Variants in SPHKAP observed in about 807,000 individuals in gnomAD.
The protein encoded by SPHKAP is A-kinase anchor protein SPHKAP.
A neutral mutation model predicts 137.5 loss-of-function variants in SPHKAP; 67 were observed. The observed-to-expected ratio is 0.49, with a 90% CI of 0.40 to 0.60. The LOEUF (loss-of-function observed/expected upper bound fraction) is 0.60. Ranked by LOEUF, SPHKAP falls within the 20% of genes least tolerant of loss-of-function variation. SPHKAP has a pLI of 0.00. For missense variants in SPHKAP, 2,097 were observed against 2,069.3 expected (o/e 1.01, Z -0.26); for synonymous variants, 813 against 785.3 (o/e 1.04, Z -0.59).
At chr2:228,026,173 G>A (rs889666257) in intron 4 of SPHKAP, among the ~76,000 whole-genome samples, 8 of 152,130 alleles carry the variant, frequency 5.3e-5, no homozygotes, top group Non-Finnish European at 8.8e-5. Flanking sequence ...CAGCCAGGTG[G>A]AACTGTAAAT....
intron 1 of SPHKAP, among the ~76,000 whole-genome samples, chr2:228,169,018 C>G (rs1700503080): frequency 6.6e-6 from 1 of 152,160 alleles, no homozygotes; most frequent in Non-Finnish European, 1.5e-5. Context: ...TAATCCAGAG[C>G]AAGGCCCTCA....
At position 228,084,272 on chromosome 2, in the gene SPHKAP, A is replaced by G. The variant is rs146326427; in HGVS notation, c.246+24560T>C. ...TCATAATGGCCTCTTGACATTAATA[A>G]TTAGTATTAAAAAGTTATATTCCAA... On this transcript the variant is annotated intron_variant, in intron 3 of 11. Transcript: ENST00000392056. Among the ~76,000 whole-genome samples, 921 of 152,276 alleles carry G rather than the reference A, an allele frequency of 6.0e-3. 16 individuals carry two copies. Among genetic ancestry groups the G allele is most frequent in the African/African-American group, 0.021 (864 of 41,550 alleles).
At chr2:228,104,883 T>A (rs1159307394) in intron 3 of SPHKAP, among the ~76,000 whole-genome samples, 2 of 152,238 alleles carry the variant, frequency 1.3e-5, no homozygotes, top group Non-Finnish European at 2.9e-5. Flanking sequence ...AAAAGATGTT[T>A]TCTGAAAAGT....
chr2:228,072,920 G>A (rs1291748024), intron 3 of SPHKAP, among the ~76,000 whole-genome samples: 2 of 152,220 alleles, frequency 1.3e-5, no homozygotes, highest in African/African-American at 4.8e-5. Context: ...TCTTCCAGCT[G>A]AGTTTCAGAC....
intron 11 of SPHKAP, among the ~76,000 whole-genome samples, chr2:227,982,631 A>G (rs1574703969): frequency 1.3e-5 from 2 of 152,342 alleles, no homozygotes; most frequent in South Asian, 2.1e-4. Flanking sequence ...GAAAGATGTA[A>G]TGAAAGCCAG....
chr2:228,019,025 A>G lies in SPHKAP; in HGVS notation c.1829T>C (p.Leu610Pro), dbSNP rs1195895677. 8.1e-6 allele frequency: 13 copies of G among 1,613,908 alleles called. No individual in the cohort carries two copies. Among genetic ancestry groups the G allele is most frequent in the South Asian group, 3.3e-5 (3 of 91,080 alleles). Residue 610 changes from leucine to proline, a missense_variant, in exon 7 of 12, where the codon CTT (leucine) becomes CCT (proline). By Grantham distance (98) the Leu-to-Pro change is moderately conservative. Transcript: ENST00000392056. The stretch of plus-strand genomic sequence containing the variant: ...TCCCTTGGCAATGGCTTCCTTGCCA[A>G]GCTCCATGCTTGCTAAACCACAAAG... ...PPLCGLASME[L>P]GKEAIAKGLL...
intron 7 of SPHKAP, among the ~76,000 whole-genome samples, chr2:228,015,696 G>T (rs929188368): frequency 6.6e-6 from 1 of 152,162 alleles, no homozygotes; most frequent in Non-Finnish European, 1.5e-5. Flanking sequence ...CAATACTTCA[G>T]TGTTGCTTTG....
chr2:228,127,142 G>A (rs10933236), intron 2 of SPHKAP, among the ~76,000 whole-genome samples: 51,976 of 152,016 alleles, frequency 0.34, 9,166 homozygotes, highest in East Asian at 0.5. Context: ...AAGAGTGGTG[G>A]TTTATCAGGA....
Position 228,019,328 on chromosome 2 carries a change from G to A in SPHKAP, c.1526C>T (p.Thr509Ile), listed in dbSNP as rs763566165. The A allele has an allele frequency of 1.2e-6, 2 of 1,614,170 alleles. No homozygotes were observed. The highest frequency in any genetic ancestry group is 3.3e-5 in the Admixed American group (2 of 60,024). The change falls in exon 7 of 12, where the codon ACT (threonine) becomes ATT (isoleucine). Residue 509 changes from threonine to isoleucine, a missense_variant. Transcript: ENST00000392056. ...ALACAATVIG[T>I]ISSPQATERL... The stretch of plus-strand genomic sequence containing the variant: ...TTCTGTGGCCTGTGGACTGGAAATA[G>A]TTCCAATCACAGTGGCTGCACAAGC...
intron 3 of SPHKAP, among the ~76,000 whole-genome samples, chr2:228,091,695 A>G (rs931944577): frequency 6.6e-6 from 1 of 152,198 alleles, no homozygotes; most frequent in Admixed American, 6.5e-5. Flanking sequence ...GGATCAGGGA[A>G]ATGCAAATCA....
At chr2:227,982,102 A>G in intron 11 of SPHKAP, 4 of 974,714 alleles carry the variant, frequency 4.1e-6, no homozygotes, top group Non-Finnish European at 4.8e-6. Flanking sequence ...ACTGCAGAGG[A>G]TTAGGTGGAA....
At chr2:228,157,736 G>A (rs1382253286) in intron 1 of SPHKAP, among the ~76,000 whole-genome samples, 1 of 152,144 alleles carries the variant, frequency 6.6e-6, no homozygotes, top group Non-Finnish European at 1.5e-5. Flanking sequence ...TAGTACATAA[G>A]TCTGTTTTAC....
intron 3 of SPHKAP, among the ~76,000 whole-genome samples, chr2:228,097,129 T>A (rs1698011310): frequency 6.6e-6 from 1 of 152,224 alleles, no homozygotes; most frequent in Non-Finnish European, 1.5e-5. Flanking sequence ...AAAGGTATTT[T>A]AATGAGAAAC....
intron 7 of SPHKAP, among the ~76,000 whole-genome samples, chr2:228,000,285 G>A (rs999081654): frequency 6.6e-6 from 1 of 151,982 alleles, no homozygotes; most frequent in African/African-American, 2.4e-5. Context: ...TTCAAGACCA[G>A]CCTAGCCAAC....
At chr2:228,047,983 A>G (rs1478980578) in intron 3 of SPHKAP, among the ~76,000 whole-genome samples, 3 of 152,198 alleles carry the variant, frequency 2.0e-5, no homozygotes, top group Non-Finnish European at 2.9e-5. Context: ...TGGTAGGTGA[A>G]GAGTCCATTG....
In SPHKAP at chr2:228,017,232, C is replaced by T; in HGVS notation, c.3622G>A (p.Glu1208Lys). 1 of 1,614,068 alleles carries T rather than the reference C, an allele frequency of 6.2e-7. No individual in the cohort carries two copies. Among genetic ancestry groups the T allele is most frequent in the Admixed American group, 1.7e-5 (1 of 60,024 alleles). Residue 1208 changes from glutamate (E) to lysine (K), a missense_variant, in exon 7 of 12, where the codon GAA (glutamate) becomes AAA (lysine). Physicochemically the swap from Glu to Lys is moderately conservative, Grantham distance 56. Coordinates refer to ENST00000392056, the MANE Select transcript of SPHKAP (RefSeq NM_001142644.2). ...CTGCTCCGTCTGGAGGAGGCACTTT[C>T]TCTGCTGTCTCTTTCGATGTCCCTC... ...MLRDIERDSR[E>K]SASSRRSSQD...
At position 228,139,946 on chromosome 2, in the gene SPHKAP, T is replaced by TTTTTTC. The variant is rs1699550659; in HGVS notation, c.33-7867_33-7862dup. 9.3e-5 allele frequency among the ~76,000 whole-genome samples: 7 copies of TTTTTTC among 75,654 alleles called. No homozygotes were observed. The South Asian group carries it at 2.5e-3, about 27-fold the overall frequency. 49.6% of individuals were successfully genotyped at this position (75,654 alleles called of 152,430 possible). A position where few individuals can be genotyped will look rare whatever the true frequency, so the allele number is the denominator to read the frequency against. Reference sequence around the variant, plus strand: ...TCTTTCTTTCTTTCTTTTTCTTTTCTTTTTTCTTTTTCTTTTGAGATAGAG... The same window carrying TTTTTTC: ...TCTTTCTTTCTTTCTTTTTCTTTTCTTTTTTCTTTTTCTTTTTCTTTTGAGATAGAG... On this transcript the variant is annotated intron_variant, in intron 1 of 11. Coordinates refer to ENST00000392056, the MANE Select transcript of SPHKAP (RefSeq NM_001142644.2).
At chr2:228,061,704 T>G (rs1343039750) in intron 3 of SPHKAP, among the ~76,000 whole-genome samples, 1 of 151,928 alleles carries the variant, frequency 6.6e-6, no homozygotes, top group African/African-American at 2.4e-5. Flanking sequence ...GGCTGAGGTA[T>G]TTATACTCTG....
chr2:228,002,793 C>T (rs1693960484), intron 7 of SPHKAP, among the ~76,000 whole-genome samples: 1 of 152,180 alleles, frequency 6.6e-6, no homozygotes, highest in Admixed American at 6.5e-5. Context: ...TATGGCTAGC[C>T]AGTTTTCCCA....
Sources: allele counts gnomAD v4.1 joint callset (sites outside exome capture counted in the v4.1 genomes callset), GRCh38; gene constraint gnomAD v4.1.1; transcripts MANE v1.5; gene names NCBI Gene and HGNC (gene_info 2026-07-23, HGNC 2026-07-21).